Variants in TMEM178A observed in about 807,000 individuals in gnomAD.
The protein encoded by TMEM178A is transmembrane protein 178A.
A neutral mutation model predicts 29.1 loss-of-function variants in TMEM178A; 12 were observed. The ratio of observed to expected loss-of-function variants is 0.41; its 90% CI spans 0.26 to 0.67. The LOEUF is 0.67. Among genes scored for constraint, TMEM178A ranks in the 30% least tolerant of loss-of-function variants. The pLI is 0.29. For synonymous variants in TMEM178A, 210 were observed against 187.2 expected (o/e 1.12, Z -0.99); for missense variants, 366 against 419.1 (o/e 0.87, Z 1.11).
intron 1 of TMEM178A, among the ~76,000 whole-genome samples, chr2:39,695,662 C>T (rs572591398): frequency 4.3e-4 from 66 of 151,780 alleles, no homozygotes; most frequent in African/African-American, 1.6e-3. Context: ...GGGAACCAGT[C>T]ACAGGTAAGT....
At chr2:39,728,377 G>T in the TMEM178A span, among the ~76,000 whole-genome samples, 58 of 152,252 alleles carry the variant, frequency 3.8e-4, no homozygotes, top group African/African-American at 1.3e-3. Flanking sequence ...TGGTTTCCGA[G>T]TGTCCCTTTG....
intron 3 of TMEM178A, among the ~76,000 whole-genome samples, chr2:39,708,006 T>C (rs1672114872): frequency 6.6e-6 from 1 of 152,212 alleles, no homozygotes; most frequent in Non-Finnish European, 1.5e-5. Flanking sequence ...CTGCTGTGAG[T>C]GCTAAAGACA....
chr2:39,725,680 T>C, the TMEM178A span, among the ~76,000 whole-genome samples: 2 of 152,296 alleles, frequency 1.3e-5, no homozygotes, highest in East Asian at 3.9e-4. Flanking sequence ...AATAAATGAA[T>C]GACGCATCAC....
intron 1 of TMEM178A, among the ~76,000 whole-genome samples, chr2:39,675,196 G>T (rs1375932296): frequency 6.6e-6 from 1 of 152,164 alleles, no homozygotes; most frequent in African/African-American, 2.4e-5. Flanking sequence ...AGATGTAGGG[G>T]TGGGGGCTTC....
the TMEM178A span, among the ~76,000 whole-genome samples, chr2:39,726,152 T>A: frequency 6.6e-6 from 1 of 152,132 alleles, no homozygotes; most frequent in East Asian, 1.9e-4. Flanking sequence ...AGACAGACAG[T>A]AATAAAACAG....
intron 1 of TMEM178A, among the ~76,000 whole-genome samples, chr2:39,667,396 A>G (rs1420769231): frequency 1.3e-5 from 2 of 150,886 alleles, no homozygotes; most frequent in Non-Finnish European, 2.9e-5. Context: ...CAACTTGTGA[A>G]GCTTCCTTTA....
chr2:39,729,173 C>T, the TMEM178A span, among the ~76,000 whole-genome samples: 1 of 152,188 alleles, frequency 6.6e-6, no homozygotes, highest in Non-Finnish European at 1.5e-5. Context: ...AACCATACAA[C>T]AAGATGGTAG....
chr2:39,707,558 G>A (rs1464581433), intron 3 of TMEM178A, among the ~76,000 whole-genome samples: 1 of 152,112 alleles, frequency 6.6e-6, no homozygotes, highest in African/African-American at 2.4e-5. Context: ...TGCAACCTCT[G>A]TCTCCTGGGT....
chr2:39,722,782 A>T (rs1329477884), downstream of TMEM178A, among the ~76,000 whole-genome samples: 2 of 152,214 alleles, frequency 1.3e-5, no homozygotes, highest in African/African-American at 4.8e-5. Context: ...GATGTTCCTA[A>T]TGAACAGACC....
At chr2:39,705,048 T>C (rs1441538865) in intron 2 of TMEM178A, among the ~76,000 whole-genome samples, 3 of 152,208 alleles carry the variant, frequency 2.0e-5, no homozygotes, top group Non-Finnish European at 4.4e-5. Flanking sequence ...AATATACATA[T>C]TATGGCAGGC....
chr2:39,669,599 C>T lies in TMEM178A; in HGVS notation c.400+3225C>T, dbSNP rs573899077. Among the ~76,000 whole-genome samples, 17 of 152,290 alleles carry T rather than the reference C, an allele frequency of 1.1e-4. No homozygotes were observed. The South Asian group carries it at 2.3e-3, about 20-fold the overall frequency. Reference sequence around the variant, plus strand: ...AGAGCCTGGAATGGTCTAGGCTTGACGTTTAGCCAGAACCTTCAGAAAGAA... The same window carrying T: ...AGAGCCTGGAATGGTCTAGGCTTGATGTTTAGCCAGAACCTTCAGAAAGAA... On this transcript the variant is annotated intron_variant, in intron 1 of 3. Coordinates refer to ENST00000281961, the MANE Select transcript of TMEM178A (RefSeq NM_152390.3).
chr2:39,728,934 G>A, the TMEM178A span, among the ~76,000 whole-genome samples: 1 of 152,142 alleles, frequency 6.6e-6, no homozygotes, highest in Non-Finnish European at 1.5e-5. Context: ...TATGGTAACA[G>A]AAAAAATGCA....
At chr2:39,720,564 C>T (rs957878926), downstream of TMEM178A, among the ~76,000 whole-genome samples, 17 of 152,212 alleles carry the variant, frequency 1.1e-4, no homozygotes, top group Admixed American at 6.5e-5. Context: ...TGCTTCAAAT[C>T]CTTTCCTGAC....
intron 1 of TMEM178A, among the ~76,000 whole-genome samples, chr2:39,670,425 T>C (rs1670364301): frequency 6.6e-6 from 1 of 152,188 alleles, no homozygotes; most frequent in Non-Finnish European, 1.5e-5. Flanking sequence ...TTTCAAGTAG[T>C]GGAGTTAGTA....
At chr2:39,711,284 G>A (rs1442995636) in intron 3 of TMEM178A, among the ~76,000 whole-genome samples, 1 of 152,174 alleles carries the variant, frequency 6.6e-6, no homozygotes, top group African/African-American at 2.4e-5. Flanking sequence ...TATTAGATGG[G>A]TATAATATAT....
At chr2:39,727,502 A>G in the TMEM178A span, among the ~76,000 whole-genome samples, 1 of 152,228 alleles carries the variant, frequency 6.6e-6, no homozygotes, top group Non-Finnish European at 1.5e-5. Context: ...CGACACATTT[A>G]CTTAATATCT....
chr2:39,683,064 GA>G (rs1670936342), intron 1 of TMEM178A, among the ~76,000 whole-genome samples: 1 of 152,190 alleles, frequency 6.6e-6, no homozygotes, highest in Non-Finnish European at 1.5e-5. Context: ...TTCTTCTATT[GA>G]TCTTCAGGAC....
chr2:39,708,173 G>A (rs543335625), intron 3 of TMEM178A, among the ~76,000 whole-genome samples: 50 of 152,300 alleles, frequency 3.3e-4, no homozygotes, highest in African/African-American at 1.1e-3. Flanking sequence ...CAGCTAATTC[G>A]TGAGAAGCAG....
At chr2:39,728,024 T>G in the TMEM178A span, among the ~76,000 whole-genome samples, 4 of 152,192 alleles carry the variant, frequency 2.6e-5, no homozygotes, top group African/African-American at 9.7e-5. Context: ...AATAAACATA[T>G]GTGTGCATGT....
Sources: gnomAD v4.1 joint callset for allele counts (sites outside exome capture counted in the v4.1 genomes callset) on GRCh38, gnomAD v4.1.1 for gene constraint, MANE v1.5 for transcripts, NCBI Gene and HGNC (gene_info 2026-07-23, HGNC 2026-07-21) for gene names.